Variants in ANKS1B observed in about 807,000 individuals in gnomAD.
The protein encoded by ANKS1B is ankyrin repeat and sterile alpha motif domain containing 1B.
ANKS1B carries 36 observed loss-of-function variants against 148.3 expected under a neutral mutation model. That is an observed-to-expected ratio of 0.24 (90% confidence interval 0.19 to 0.32). ANKS1B has a LOEUF of 0.32. Ranked by LOEUF, ANKS1B falls within the 10% of genes least tolerant of loss-of-function variation. ANKS1B has a pLI of 1.00. For synonymous variants in ANKS1B, 542 were observed against 560.8 expected (o/e 0.97, Z 0.47); for missense variants, 1,157 against 1,542.6 (o/e 0.75, Z 4.19).
intron 5 of ANKS1B, among the ~76,000 whole-genome samples, chr12:99,780,361 C>T (rs1234561806): frequency 4.6e-5 from 7 of 152,064 alleles, no homozygotes; most frequent in Admixed American, 2.6e-4. Flanking sequence ...CTGCAAGCTC[C>T]GCTTCCCAGG....
At chr12:98,962,868 A>G (rs1469884286) in intron 17 of ANKS1B, among the ~76,000 whole-genome samples, 1 of 152,240 alleles carries the variant, frequency 6.6e-6, no homozygotes, top group Non-Finnish European at 1.5e-5. Context: ...AAGAGATTAA[A>G]AAGGAAATAA....
chr12:98,887,259 A>T (rs1271857093), intron 17 of ANKS1B, among the ~76,000 whole-genome samples: 1 of 152,308 alleles, frequency 6.6e-6, no homozygotes, highest in East Asian at 1.9e-4. Context: ...TGTGATTCCA[A>T]CTCTGAGGTG....
At chr12:99,589,749 T>C (rs900145907) in intron 9 of ANKS1B, among the ~76,000 whole-genome samples, 1 of 152,130 alleles carries the variant, frequency 6.6e-6, no homozygotes, top group Non-Finnish European at 1.5e-5. Flanking sequence ...CCTAAATGAA[T>C]GTATGGTACA....
chr12:99,980,775 A>G (rs756023380), intron 1 of ANKS1B, among the ~76,000 whole-genome samples: 12 of 152,062 alleles, frequency 7.9e-5, no homozygotes, highest in Non-Finnish European at 1.6e-4. Context: ...CTAAAGAACT[A>G]TCCTGCAGAT....
chr12:99,921,291 C>G (rs962909846), intron 1 of ANKS1B, among the ~76,000 whole-genome samples: 1 of 152,076 alleles, frequency 6.6e-6, no homozygotes. Context: ...GGCTCTTCCC[C>G]CTTTGCTTTC....
intron 15 of ANKS1B, among the ~76,000 whole-genome samples, chr12:99,148,457 C>T (rs992013618): frequency 6.6e-6 from 1 of 151,810 alleles, no homozygotes; most frequent in East Asian, 1.9e-4. Flanking sequence ...AGATGGTCAT[C>T]CCTGCACATG....
At chr12:99,803,390 A>T (rs527513999) in intron 4 of ANKS1B, among the ~76,000 whole-genome samples, 143 of 151,974 alleles carry the variant, frequency 9.4e-4, no homozygotes, top group Non-Finnish European at 1.6e-3. Flanking sequence ...ATTATGGAAG[A>T]TTCATTTCAT....
intron 20 of ANKS1B, among the ~76,000 whole-genome samples, chr12:98,803,465 A>G (rs544179225): frequency 6.6e-6 from 1 of 152,322 alleles, no homozygotes; most frequent in African/African-American, 2.4e-5. Context: ...TAACAAAACA[A>G]CAGAAGTTTG....
At chr12:99,209,165 T>G (rs1024700165) in intron 14 of ANKS1B, among the ~76,000 whole-genome samples, 1 of 152,170 alleles carries the variant, frequency 6.6e-6, no homozygotes, top group African/African-American at 2.4e-5. Flanking sequence ...TTCCAGAGGT[T>G]TTCAAAAGTC....
intron 8 of ANKS1B, among the ~76,000 whole-genome samples, chr12:99,737,315 G>T (rs958540695): frequency 1.3e-5 from 2 of 152,094 alleles, no homozygotes; most frequent in Admixed American, 1.3e-4. Flanking sequence ...AATGGATAAA[G>T]AAAATGTGGT....
chr12:99,540,213 T>C (rs946516934), intron 9 of ANKS1B, among the ~76,000 whole-genome samples: 4 of 152,026 alleles, frequency 2.6e-5, no homozygotes, highest in African/African-American at 9.7e-5. Flanking sequence ...AAAATAATAG[T>C]TGGAGACTTC....
At chr12:99,937,523 T>C (rs1382509560) in intron 1 of ANKS1B, among the ~76,000 whole-genome samples, 2 of 152,164 alleles carry the variant, frequency 1.3e-5, no homozygotes, top group South Asian at 2.1e-4. Flanking sequence ...CTTGATAATT[T>C]TGCCTGCTGA....
chr12:98,967,213 C>T (rs2099878898), intron 17 of ANKS1B, among the ~76,000 whole-genome samples: 1 of 152,042 alleles, frequency 6.6e-6, no homozygotes, highest in South Asian at 2.1e-4. Context: ...AAATGGATCC[C>T]AAATGACTCC....
At chr12:98,973,224 AAT>A (rs756546513) in intron 17 of ANKS1B, among the ~76,000 whole-genome samples, 3,038 of 138,450 alleles carry the variant, frequency 0.022, 50 homozygotes, top group African/African-American at 0.053. Flanking sequence ...AAAAAAAAAA[AAT>A]AATAAAGAAA....
chr12:98,996,140 CCTACA>C, intron 17 of ANKS1B, among the ~76,000 whole-genome samples: 1 of 151,940 alleles, frequency 6.6e-6, no homozygotes, highest in East Asian at 1.9e-4. Context: ...AAAAATTAGC[CCTACA>C]CTAAATTATG....
At chr12:98,986,768 C>T (rs35319155) in intron 17 of ANKS1B, among the ~76,000 whole-genome samples, 84 of 152,190 alleles carry the variant, frequency 5.5e-4, no homozygotes, top group Non-Finnish European at 8.1e-4. Flanking sequence ...GTGTGTATCA[C>T]CACACCTGGA....
chr12:99,832,651 G>T (rs1426728245), intron 1 of ANKS1B, among the ~76,000 whole-genome samples: 2 of 151,722 alleles, frequency 1.3e-5, no homozygotes, highest in African/African-American at 4.8e-5. Flanking sequence ...TTGAACCCAG[G>T]AGGCAGAGGT....
At chr12:98,938,642 G>C (rs944837263) in intron 17 of ANKS1B, among the ~76,000 whole-genome samples, 1 of 152,150 alleles carries the variant, frequency 6.6e-6, no homozygotes, top group Non-Finnish European at 1.5e-5. Flanking sequence ...CTTGGGGGAA[G>C]ACACACACAC....
intron 17 of ANKS1B, among the ~76,000 whole-genome samples, chr12:98,861,833 G>A (rs972856960): frequency 1.3e-5 from 2 of 152,184 alleles, no homozygotes. Flanking sequence ...GAATCCTGGG[G>A]CTTCTGAGCT....
Sources: gnomAD v4.1 joint callset for allele counts (sites outside exome capture counted in the v4.1 genomes callset) on GRCh38, gnomAD v4.1.1 for gene constraint, MANE v1.5 for transcripts, NCBI Gene and HGNC (gene_info 2026-07-23, HGNC 2026-07-21) for gene names.